Variants in PIK3C2B observed in about 807,000 individuals in gnomAD.
PIK3C2B encodes the protein phosphatidylinositol-4-phosphate 3-kinase catalytic subunit type 2 beta, also known as phosphatidylinositol 4-phosphate 3-kinase C2 domain-containing subunit beta.
Under a neutral mutation model 184.3 loss-of-function variants are expected in PIK3C2B, and 83 were observed. The ratio of observed to expected loss-of-function variants is 0.45; its 90% CI spans 0.38 to 0.54. PIK3C2B has a LOEUF of 0.54. PIK3C2B is among the 20% of genes least tolerant of loss of function. The pLI is 0.00. For synonymous variants in PIK3C2B, 779 were observed against 837.6 expected, an observed-to-expected ratio of 0.93 and a Z score of 1.21; for missense variants, 1,736 against 2,113.5, an observed-to-expected ratio of 0.82 and a Z score of 3.50.
intron 2 of PIK3C2B, chr1:204,466,918 C>T (rs1440408036): frequency 5.6e-6 from 3 of 533,060 alleles, no homozygotes; most frequent in African/African-American, 3.8e-5. Context: ...AAGGAGGTTC[C>T]CTCTGGCTGG....
chr1:204,454,660 A>G lies in PIK3C2B; in HGVS notation c.2066+9T>C, dbSNP rs1479115546. On this transcript the variant is annotated intron_variant, in intron 12 of 32. Transcript: ENST00000684373. ...GGCCTGGGCACTGAAGCCTGGGGGA[A>G]GGGCTTACTGCTGGTCCCAGACGAT... The G allele has an allele frequency of 1.2e-6, 2 of 1,611,796 alleles. No homozygotes were observed. Among genetic ancestry groups the G allele is most frequent in the South Asian group, 1.1e-5 (1 of 90,986 alleles).
chr1:204,472,795 C>A (rs1261754346), intron 1 of PIK3C2B, among the ~76,000 whole-genome samples: 1 of 152,018 alleles, frequency 6.6e-6, no homozygotes, highest in Non-Finnish European at 1.5e-5. Context: ...AAACAAAGTA[C>A]TGAAGCCTGA....
rs556510181 is a variant in PIK3C2B, at chr1:204,426,999, G to A, written c.4587+649C>T. ...TTTAAAAAATACAAAAATTAGCCAG[G>A]TGTGGTGGCATGTGCCTGTAGTCCC... On this transcript the variant is annotated intron_variant, in intron 31 of 32. Coordinates refer to ENST00000684373, the MANE Select transcript of PIK3C2B (RefSeq NM_001377334.1). Among the ~76,000 whole-genome samples the A allele has an allele frequency of 5.9e-5, 9 of 152,280 alleles. No homozygotes were observed. In the East Asian group the frequency reaches 1.7e-3, roughly 29 times the overall value.
chr1:204,446,385 T>G (rs3747633), intron 15 of PIK3C2B, among the ~76,000 whole-genome samples: 27,077 of 152,248 alleles, frequency 0.18, 2,916 homozygotes, highest in East Asian at 0.44. Context: ...GGCATCAGTC[T>G]ATGCCACAGA....
chr1:204,452,177 T>A (rs867867834), intron 12 of PIK3C2B, among the ~76,000 whole-genome samples: 3 of 151,280 alleles, frequency 2.0e-5, no homozygotes, highest in Admixed American at 6.6e-5. Flanking sequence ...GGGAACAAAA[T>A]GAAACTCATG....
intron 1 of PIK3C2B, among the ~76,000 whole-genome samples, chr1:204,472,652 C>T (rs186241598): frequency 2.8e-3 from 432 of 152,116 alleles, no homozygotes; most frequent in Non-Finnish European, 4.0e-3. Flanking sequence ...TGGTGGCACA[C>T]GTCTATAATC....
At chr1:204,428,758 C>T (rs1335294923) in intron 29 of PIK3C2B, among the ~76,000 whole-genome samples, 1 of 152,068 alleles carries the variant, frequency 6.6e-6, no homozygotes, top group African/African-American at 2.4e-5. Context: ...GCTAAGATTA[C>T]AGGCATGAGC....
At chr1:204,464,307 C>A (rs1655571529) in intron 4 of PIK3C2B, 143 bp downstream of exon 4, 2 of 1,056,684 alleles carry the variant, frequency 1.9e-6, no homozygotes, top group Non-Finnish European at 2.8e-6. Context: ...ATGCTGGCCC[C>A]ATAGCCAGCC....
chr1:204,470,093 C>A (rs1170187610), intron 1 of PIK3C2B, among the ~76,000 whole-genome samples: 2 of 151,842 alleles, frequency 1.3e-5, no homozygotes, highest in African/African-American at 4.8e-5. Flanking sequence ...CCATTCATCT[C>A]TACATGCCTC....
rs565159968 is a variant in PIK3C2B, at chr1:204,447,475, C to A, written c.2450G>T (p.Arg817Leu). ...TTTCTGCATGATGTCTTTAAGCTTG[C>A]GCTGGTCTTCTTCCCGGAGGCTGCC... Reference protein sequence around the residue: ...EFGSLREEDQRKLKDIMQKES... With the variant: ...EFGSLREEDQLKLKDIMQKES... Residue 817 changes from arginine to leucine, a missense_variant, in exon 15 of 33, where the codon CGC (arginine) becomes CTC (leucine). By Grantham distance (102) the Arg-to-Leu change is moderately radical. Transcript: ENST00000684373. The surrounding 1 kb of genome is among the most constrained non-coding windows in gnomAD (Gnocchi z 4.1). 1.9e-6 allele frequency: 3 copies of A among 1,613,806 alleles called. No individual in the cohort carries two copies. The highest frequency in any genetic ancestry group is 2.2e-5 in the South Asian group (2 of 91,066).
At chr1:204,452,413 A>G (rs3014639) in intron 12 of PIK3C2B, among the ~76,000 whole-genome samples, 128,362 of 148,968 alleles carry the variant, frequency 0.86, 57,616 homozygotes, top group Non-Finnish European at 0.99. Flanking sequence ...AAGTAGCTGG[A>G]ACCACAGGTG....
At chr1:204,452,220 C>T (rs897599715) in intron 12 of PIK3C2B, among the ~76,000 whole-genome samples, 10 of 149,358 alleles carry the variant, frequency 6.7e-5, no homozygotes, top group Admixed American at 2.0e-4. Context: ...ACCTCTGATA[C>T]TGTATGAGTA....
chr1:204,424,512 C>CA lies in PIK3C2B; in HGVS notation c.*339_*340insT. The CA allele has an allele frequency of 6.9e-6, 2 of 289,722 alleles. No individual in the cohort carries two copies. Among genetic ancestry groups the CA allele is most frequent in the Non-Finnish European group, 6.7e-6 (1 of 148,692 alleles). The allele number at this position is 289,722 out of a possible 1,614,324, so 17.9% of individuals were successfully genotyped here. ...TTAAAAATAAAAATTAAGATATCCA[C>CA]CCACCCACCCCCAAAATGCTACTTC... On this transcript the variant is annotated 3_prime_UTR_variant, in exon 33 of 33. Coordinates refer to ENST00000684373, the MANE Select transcript of PIK3C2B (RefSeq NM_001377334.1).
chr1:204,456,127 G>A (rs1190503434), intron 10 of PIK3C2B, 76 bp from the exon 11 acceptor site: 5 of 1,242,510 alleles, frequency 4.0e-6, no homozygotes, highest in Non-Finnish European at 5.7e-6. Context: ...GCATTGGCTA[G>A]AATGGGATGG....
At position 204,433,800 on chromosome 1, in the gene PIK3C2B, A is replaced by G. The variant is rs1675199815; in HGVS notation, c.3836T>C (p.Leu1279Pro). The change falls in exon 25 of 33, where the codon CTG becomes CCG. Residue 1279 changes from leucine to proline, a missense_variant. Physicochemically the swap from Leu to Pro is moderately conservative, Grantham distance 98. Transcript: ENST00000684373. The surrounding 1 kb of genome is among the most constrained non-coding windows in gnomAD (Gnocchi z 5.0). ...RKHTHLFLNL[L>P]GLMLSCGIPE... ...AGGGATGGAGCTCCTCACCAGGCCCAGAAGGTTGAGGAAGAGGTGGGTGTG... is the reference window on the plus strand; with the variant it reads ...AGGGATGGAGCTCCTCACCAGGCCCGGAAGGTTGAGGAAGAGGTGGGTGTG... 6.2e-7 allele frequency: 1 copy of G among 1,613,936 alleles called. No homozygotes were observed. The highest frequency in any genetic ancestry group is 1.1e-5 in the South Asian group (1 of 91,094).
At position 204,468,954 on chromosome 1, in the gene PIK3C2B, C is replaced by G; in HGVS notation, c.849G>C (p.Gln283His). The change falls in exon 2 of 33, where the codon CAG (glutamine) becomes CAC (histidine). Residue 283 changes from glutamine (Q) to histidine (H), a missense_variant. By Grantham distance (24) the Gln-to-His change is conservative. Around this residue, in one of 8 missense-constraint regions of PIK3C2B, gnomAD observed 404 missense variants for 418.0 expected, o/e 0.97. Transcript: ENST00000684373. ...GGGAGGCATAGGTGCGGGGGGGCAC[C>G]TGAGGGGGCATAGTCTTGCTCCTGG... The part of the protein sequence containing the change: ...PVARSKTMPP[Q>H]VPPRTYASRY... 1 of 1,614,140 alleles carries G rather than the reference C, an allele frequency of 6.2e-7. No homozygotes were observed. The highest frequency in any genetic ancestry group is 8.5e-7 in the Non-Finnish European group (1 of 1,180,010).
chr1:204,442,640 A>G lies in PIK3C2B; in HGVS notation c.3049-7T>C. On this transcript the variant is annotated splice_region_variant and splice_polypyrimidine_tract_variant and intron_variant, in intron 19 of 32. Coordinates refer to ENST00000684373, the MANE Select transcript of PIK3C2B (RefSeq NM_001377334.1). ...GGCCCGTGCGGAGGATTCCCTGGAA[A>G]GAAGGGGAGGAGTACAGCAGGGGTG... The G allele has an allele frequency of 3.9e-6, 6 of 1,536,206 alleles. No individual in the cohort carries two copies. The highest frequency in any genetic ancestry group is 1.2e-5 in the South Asian group (1 of 83,808).
chr1:204,488,988 C>T (rs1299770581), intron 1 of PIK3C2B, among the ~76,000 whole-genome samples: 1 of 152,212 alleles, frequency 6.6e-6, no homozygotes, highest in Non-Finnish European at 1.5e-5. Context: ...TGTGTCATTA[C>T]TGGCTCTTGG....
intron 2 of PIK3C2B, among the ~76,000 whole-genome samples, chr1:204,466,394 C>T (rs1201894109): frequency 6.6e-6 from 1 of 151,140 alleles, no homozygotes; most frequent in Non-Finnish European, 1.5e-5. Flanking sequence ...CAGATGACAG[C>T]AACTGAGCTC....
Sources: gnomAD v4.1 joint callset for allele counts (sites outside exome capture counted in the v4.1 genomes callset) on GRCh38, gnomAD v4.1.1 for gene constraint, gnomAD v4.1.1 regional missense constraint, Gnocchi (gnomAD v3.1) non-coding constraint, MANE v1.5 for transcripts, NCBI Gene and HGNC (gene_info 2026-07-23, HGNC 2026-07-21) for gene names.